The following LAMA1 variants were observed in gnomAD, a reference collection of about 807,000 sequenced individuals.
LAMA1 encodes laminin subunit alpha-1.
Under a neutral mutation model 348.7 loss-of-function variants are expected in LAMA1, and 219 were observed. That is an observed-to-expected ratio of 0.63 (90% CI 0.56 to 0.70). The LOEUF is 0.70. Ranked by LOEUF, LAMA1 falls within the 30% of genes least tolerant of loss-of-function variation. The pLI, the probability that LAMA1 is intolerant of heterozygous loss-of-function variation, is 0.00. For synonymous variants in LAMA1, 1,487 were observed against 1,491.0 expected, an observed-to-expected ratio of 1.00 and a Z score of 0.06; for missense variants, 3,744 against 3,888.0, an observed-to-expected ratio of 0.96 and a Z score of 0.99.
At position 6,943,413 on chromosome 18, in the gene LAMA1, A is replaced by G. The variant is rs915931640; in HGVS notation, c.8845-11T>C. The G allele has an allele frequency of 1.9e-6, 3 of 1,611,894 alleles. No individual in the cohort carries two copies. The highest frequency in any genetic ancestry group is 2.2e-5 in the East Asian group (1 of 44,882). ...GACATGGAACAAGACCTAAAAGCAAATATCTTGGTGAGTTTTTGTGTATTT... is the reference window on the plus strand; with the variant it reads ...GACATGGAACAAGACCTAAAAGCAAGTATCTTGGTGAGTTTTTGTGTATTT... On this transcript the variant is annotated splice_polypyrimidine_tract_variant and intron_variant, in intron 61 of 62. Transcript: ENST00000389658.
intron 1 of LAMA1, among the ~76,000 whole-genome samples, chr18:7,110,496 C>T (rs1203527203): frequency 1.3e-5 from 2 of 152,162 alleles, no homozygotes; most frequent in Non-Finnish European, 2.9e-5. Context: ...GGGTAAAATT[C>T]TGTCATTACC....
Position 6,977,715 on chromosome 18 carries a change from C to T in LAMA1, c.6345+12G>A. 6.2e-7 allele frequency: 1 copy of T among 1,613,904 alleles called. No homozygotes were observed. Among genetic ancestry groups the T allele is most frequent in the Non-Finnish European group, 8.5e-7 (1 of 1,179,906 alleles). On this transcript the variant is annotated intron_variant, in intron 44 of 62. Coordinates refer to ENST00000389658, the MANE Select transcript of LAMA1 (RefSeq NM_005559.4). The stretch of plus-strand genomic sequence containing the variant: ...GAGCCCAGTTACGAAAGCCACGGGG[C>T]CCCAAACTCACAGAAGCTGCTTGTT...
At chr18:7,099,524 T>C (rs2143817670) in intron 1 of LAMA1, among the ~76,000 whole-genome samples, 1 of 151,840 alleles carries the variant, frequency 6.6e-6, no homozygotes, top group East Asian at 1.9e-4. Flanking sequence ...CCTGACTCCT[T>C]ACCATACACA....
chr18:7,090,667 T>TGAAA (rs1213318534), intron 1 of LAMA1, among the ~76,000 whole-genome samples: 3 of 137,942 alleles, frequency 2.2e-5, no homozygotes, highest in African/African-American at 5.5e-5. Context: ...GGAGAGATAT[T>TGAAA]GAAAGAAAGA....
intron 22 of LAMA1, among the ~76,000 whole-genome samples, chr18:7,014,262 C>A (rs1031654039): frequency 6.6e-6 from 1 of 152,166 alleles, no homozygotes; most frequent in African/African-American, 2.4e-5. Flanking sequence ...GTGGCACATG[C>A]GCACGGGGCC....
At chr18:7,082,875 C>T (rs529559081) in intron 1 of LAMA1, among the ~76,000 whole-genome samples, 1 of 148,916 alleles carries the variant, frequency 6.7e-6, no homozygotes, top group East Asian at 1.9e-4. Context: ...CACCAGTTAA[C>T]GAATGTTCCC....
chr18:7,109,276 G>A (rs1490794394), intron 1 of LAMA1, among the ~76,000 whole-genome samples: 4 of 152,104 alleles, frequency 2.6e-5, no homozygotes, highest in African/African-American at 4.8e-5. Context: ...ACTGCCCTCC[G>A]GCTACTAATG....
At chr18:7,109,212 C>T (rs1301899059) in intron 1 of LAMA1, among the ~76,000 whole-genome samples, 2 of 152,146 alleles carry the variant, frequency 1.3e-5, no homozygotes, top group African/African-American at 2.4e-5. Context: ...GTCCGGGGAC[C>T]GGCTTTATGG....
At chr18:7,010,155 A>G in intron 26 of LAMA1, 45 bp downstream of exon 26, 1 of 1,602,724 alleles carries the variant, frequency 6.2e-7, no homozygotes, top group South Asian at 1.1e-5. Flanking sequence ...TCCATAGCAA[A>G]GTCAATGTCT....
At chr18:7,077,508 T>A (rs1383380716) in intron 3 of LAMA1, among the ~76,000 whole-genome samples, 1 of 152,136 alleles carries the variant, frequency 6.6e-6, no homozygotes, top group Non-Finnish European at 1.5e-5. Context: ...CCTGGCTGTC[T>A]ATGCTTATTT....
intron 1 of LAMA1, among the ~76,000 whole-genome samples, chr18:7,088,445 T>C (rs2058226360): frequency 1.3e-5 from 2 of 152,156 alleles, no homozygotes; most frequent in African/African-American, 2.4e-5. Flanking sequence ...TAGCCATGCA[T>C]GGGTAACACT....
chr18:7,101,136 C>T (rs2058289735), intron 1 of LAMA1, among the ~76,000 whole-genome samples: 1 of 152,150 alleles, frequency 6.6e-6, no homozygotes, highest in Admixed American at 6.6e-5. Flanking sequence ...AATGATGACA[C>T]TTTCTGCAGT....
At chr18:7,055,378 G>A (rs1049240328) in intron 3 of LAMA1, among the ~76,000 whole-genome samples, 4 of 150,370 alleles carry the variant, frequency 2.7e-5, no homozygotes, top group African/African-American at 4.9e-5. Flanking sequence ...GCTTGAACCC[G>A]GGAGGCAGAG....
intron 12 of LAMA1, among the ~76,000 whole-genome samples, chr18:7,036,840 G>A (rs892657614): frequency 2.0e-5 from 3 of 152,082 alleles, no homozygotes; most frequent in Non-Finnish European, 4.4e-5. Flanking sequence ...ATGCCTGTAT[G>A]CCATTACTTT....
intron 16 of LAMA1, among the ~76,000 whole-genome samples, chr18:7,031,459 A>G (rs1467868965): frequency 6.6e-6 from 1 of 152,328 alleles, no homozygotes; most frequent in African/African-American, 2.4e-5. Flanking sequence ...CCAACTAACT[A>G]TAAAGCATGG....
chr18:7,032,040 C>T (rs780044929), intron 16 of LAMA1, 26 bp downstream of exon 16: 1 of 1,578,022 alleles, frequency 6.3e-7, no homozygotes. Flanking sequence ...GAGGAGAGGG[C>T]ACCTGAACTA....
chr18:7,082,046 G>T (rs2058195262), intron 1 of LAMA1, among the ~76,000 whole-genome samples: 1 of 151,852 alleles, frequency 6.6e-6, no homozygotes, highest in Non-Finnish European at 1.5e-5. Flanking sequence ...AACAAAAATG[G>T]TTATTTCTCT....
At chr18:7,006,371 C>CA (rs1268706141) in intron 29 of LAMA1, among the ~76,000 whole-genome samples, 1 of 149,734 alleles carries the variant, frequency 6.7e-6, no homozygotes, top group Non-Finnish European at 1.5e-5. Flanking sequence ...AGAGAATATG[C>CA]ATTTTTTTAA....
intron 45 of LAMA1, 40 bp downstream of exon 45, chr18:6,975,897 T>C (rs777522603): frequency 1.9e-6 from 3 of 1,613,116 alleles, no homozygotes; most frequent in East Asian, 2.2e-5. Context: ...TAGAAGTGCA[T>C]AAAAGATTCA....
Sources: allele counts gnomAD v4.1 joint callset (sites outside exome capture counted in the v4.1 genomes callset), GRCh38; gene constraint gnomAD v4.1.1; transcripts MANE v1.5; gene names NCBI Gene and HGNC (gene_info 2026-07-23, HGNC 2026-07-21).